FRMD4A: variants seen among roughly 807,000 people sequenced by gnomAD.
FRMD4A encodes FERM domain containing 4A, also known as FERM domain-containing protein 4A.
FRMD4A carries 29 observed loss-of-function variants against 129.1 expected under a neutral mutation model. That is an observed-to-expected ratio of 0.22 (90% confidence interval 0.17 to 0.31). FRMD4A has a LOEUF of 0.31. Ranked by LOEUF, FRMD4A falls within the 10% of genes least tolerant of loss-of-function variation. The pLI is 1.00. For synonymous variants in FRMD4A, 634 were observed against 571.6 expected (o/e 1.11, Z -1.56); for missense variants, 1,272 against 1,375.8 (o/e 0.92, Z 1.19).
At chr10:13,780,776 G>C (rs1474027927) in intron 6 of FRMD4A, among the ~76,000 whole-genome samples, 2 of 152,132 alleles carry the variant, frequency 1.3e-5, no homozygotes, top group Non-Finnish European at 2.9e-5. Context: ...AAACAGTAGG[G>C]ATGGCTCCTC....
intron 8 of FRMD4A, among the ~76,000 whole-genome samples, chr10:13,754,221 A>G (rs753981190): frequency 2.0e-5 from 3 of 152,146 alleles, no homozygotes; most frequent in African/African-American, 4.8e-5. Context: ...GTAAGCTGTC[A>G]TAATACAAAA....
At position 14,000,840 on chromosome 10, in the gene FRMD4A, AG is replaced by A. The variant is rs2095640323; in HGVS notation, c.46-141929del. Among the ~76,000 whole-genome samples, 4 of 152,208 alleles carry A rather than the reference AG, an allele frequency of 2.6e-5. No homozygotes were observed. The South Asian group carries it at 8.3e-4, about 32-fold the overall frequency. On this transcript the variant is annotated intron_variant, in intron 2 of 24. Coordinates refer to ENST00000357447, the MANE Select transcript of FRMD4A (RefSeq NM_018027.5). Reference sequence around the variant, plus strand: ...TGTTTTTGATCTTAAATAGCCTGGAAGGAAGTCATGCACAATTCTAGACTCT... The same window carrying A: ...TGTTTTTGATCTTAAATAGCCTGGAAGAAGTCATGCACAATTCTAGACTCT...
At chr10:13,901,714 A>C (rs955687915) in intron 2 of FRMD4A, among the ~76,000 whole-genome samples, 3 of 152,170 alleles carry the variant, frequency 2.0e-5, no homozygotes, top group African/African-American at 7.2e-5. Context: ...TCAATCTACC[A>C]ATCTCTCAAG....
intron 2 of FRMD4A, among the ~76,000 whole-genome samples, chr10:13,969,543 G>A (rs779513214): frequency 1.2e-4 from 18 of 152,164 alleles, no homozygotes; most frequent in Admixed American, 4.6e-4. Context: ...AGCCCACCCT[G>A]CTTAGTTGAT....
At chr10:14,263,435 T>C (rs1844873008) in intron 2 of FRMD4A, among the ~76,000 whole-genome samples, 1 of 152,176 alleles carries the variant, frequency 6.6e-6, no homozygotes, top group South Asian at 2.1e-4. Context: ...AGGGAACTGT[T>C]TTTTTAATTT....
At chr10:14,282,423 T>C (rs1291858762) in intron 2 of FRMD4A, among the ~76,000 whole-genome samples, 2 of 152,166 alleles carry the variant, frequency 1.3e-5, no homozygotes, top group African/African-American at 4.8e-5. Context: ...GAAGGCTTAA[T>C]AGTCTCCAGG....
intron 15 of FRMD4A, among the ~76,000 whole-genome samples, chr10:13,680,946 A>G (rs2084523810): frequency 2.0e-5 from 3 of 152,074 alleles, no homozygotes; most frequent in Non-Finnish European, 2.9e-5. Flanking sequence ...AGGGAAAGAC[A>G]CTGGATTTTC....
intron 2 of FRMD4A, among the ~76,000 whole-genome samples, chr10:14,115,603 C>T (rs1838158254): frequency 6.6e-6 from 1 of 152,118 alleles, no homozygotes; most frequent in South Asian, 2.1e-4. Context: ...GGGAAAGGAT[C>T]CTTCATGAGT....
At chr10:14,181,881 G>A (rs1158061750) in intron 2 of FRMD4A, among the ~76,000 whole-genome samples, 1 of 152,056 alleles carries the variant, frequency 6.6e-6, no homozygotes, top group Admixed American at 6.6e-5. Context: ...AGTTGAGATG[G>A]GGTTTTGCCA....
chr10:14,140,533 C>A (rs776858916), intron 2 of FRMD4A, among the ~76,000 whole-genome samples: 2 of 152,160 alleles, frequency 1.3e-5, no homozygotes, highest in African/African-American at 4.8e-5. Context: ...GGTACACGAC[C>A]TTTCCACTTA....
chr10:13,868,681 C>T (rs1413145801), intron 2 of FRMD4A, among the ~76,000 whole-genome samples: 1 of 152,122 alleles, frequency 6.6e-6, no homozygotes, highest in Non-Finnish European at 1.5e-5. Context: ...TGCCTATAGT[C>T]CCAGCTACTC....
At chr10:14,276,768 T>A (rs1426404365) in intron 2 of FRMD4A, among the ~76,000 whole-genome samples, 3 of 152,362 alleles carry the variant, frequency 2.0e-5, no homozygotes, top group Admixed American at 1.3e-4. Flanking sequence ...GACCTTCCCA[T>A]CTTCCTGCTC....
chr10:14,090,959 C>T lies in FRMD4A; in HGVS notation c.46-232047G>A, dbSNP rs560114040. The stretch of plus-strand genomic sequence containing the variant: ...GAGTAGCCGGGACCATAGGCACACA[C>T]CACCACGCCCAGCTCAAACTAACAT... On this transcript the variant is annotated intron_variant, in intron 2 of 24. Transcript: ENST00000357447. 1.8e-3 allele frequency among the ~76,000 whole-genome samples: 275 copies of T among 152,258 alleles called. 2 individuals carry two copies. Among genetic ancestry groups the T allele is most frequent in the African/African-American group, 6.3e-3 (262 of 41,544 alleles).
Position 14,330,740 on chromosome 10 carries a change from C to A in FRMD4A, c.-225G>T. The A allele has an allele frequency of 2.5e-6, 1 of 398,856 alleles. No homozygotes were observed. Among genetic ancestry groups the A allele is most frequent in the South Asian group, 1.3e-4 (1 of 7,850 alleles). 24.7% of individuals were successfully genotyped at this position (398,856 alleles called of 1,614,324 possible). ...GATCAGCAAATGCCCTTACCATCCC[C>A]GAGGAGGAAGTCACTTAGGAACTGA... On this transcript the variant is annotated 5_prime_UTR_variant, in exon 1 of 25. Coordinates refer to ENST00000357447, the MANE Select transcript of FRMD4A (RefSeq NM_018027.5).
intron 2 of FRMD4A, among the ~76,000 whole-genome samples, chr10:14,262,240 ATTACCTAC>A (rs1353558395): frequency 1.3e-5 from 2 of 152,154 alleles, no homozygotes; most frequent in East Asian, 3.9e-4. Context: ...ATCACTTTCC[ATTACCTAC>A]TTAGCCCGGT....
chr10:14,084,434 A>T (rs1456927244), intron 2 of FRMD4A, among the ~76,000 whole-genome samples: 1 of 152,250 alleles, frequency 6.6e-6, no homozygotes, highest in Non-Finnish European at 1.5e-5. Flanking sequence ...GGCGTGAGCC[A>T]CTGCACCCGG....
intron 4 of FRMD4A, among the ~76,000 whole-genome samples, chr10:13,804,622 C>T (rs2093327824): frequency 6.6e-6 from 1 of 151,732 alleles, no homozygotes; most frequent in African/African-American, 2.4e-5. Flanking sequence ...TGGCTCACTG[C>T]AATCTCCCGC....
intron 2 of FRMD4A, among the ~76,000 whole-genome samples, chr10:13,887,877 C>G (rs975794119): frequency 6.6e-6 from 1 of 152,134 alleles, no homozygotes; most frequent in African/African-American, 2.4e-5. Flanking sequence ...CTAAATTATT[C>G]CTTATAAGAG....
chr10:13,828,069 G>C (rs892702943), intron 3 of FRMD4A, among the ~76,000 whole-genome samples: 1 of 152,252 alleles, frequency 6.6e-6, no homozygotes, highest in Non-Finnish European at 1.5e-5. Context: ...CCTCGTCTGA[G>C]GCACTGTCCT....
Sources: gnomAD v4.1 joint callset for allele counts (sites outside exome capture counted in the v4.1 genomes callset) on GRCh38, gnomAD v4.1.1 for gene constraint, MANE v1.5 for transcripts, NCBI Gene and HGNC (gene_info 2026-07-23, HGNC 2026-07-21) for gene names.